GRM8: variants seen among roughly 807,000 people sequenced by gnomAD.
GRM8 encodes the protein glutamate metabotropic receptor 8.
A neutral mutation model predicts 87.2 loss-of-function variants in GRM8; 47 were observed. The ratio of observed to expected loss-of-function variants is 0.54; its 90% CI spans 0.43 to 0.69. GRM8 has a LOEUF of 0.69. GRM8 is among the 30% of genes least tolerant of loss of function. The probability of loss-of-function intolerance (pLI) is 0.00; values close to 1 mark genes in which losing one functional copy is unlikely to be tolerated. For synonymous variants in GRM8, 396 were observed against 404.5 expected (o/e 0.98, Z 0.25); for missense variants, 1,019 against 1,139.2 (o/e 0.89, Z 1.52).
Position 126,769,925 on chromosome 7 carries a change from G to C in GRM8, c.1297C>G (p.Arg433Gly). ...LCPGYIGLCPRMSTIDGKELL... is the reference protein window; with the variant it reads ...LCPGYIGLCPGMSTIDGKELL... ...TCTTTCCCATCAATGGTACTCATTCGTGGACAAAGGCCAATGTATCCAGGG... is the reference window on the plus strand; with the variant it reads ...TCTTTCCCATCAATGGTACTCATTCCTGGACAAAGGCCAATGTATCCAGGG... The change falls in exon 7 of 11, where the codon CGA (arginine) becomes GGA (glycine). Residue 433 changes from arginine to glycine, a missense_variant. Coordinates refer to ENST00000339582, the MANE Select transcript of GRM8 (RefSeq NM_000845.3). 1 of 1,612,846 alleles carries C rather than the reference G, an allele frequency of 6.2e-7. No homozygotes were observed. The highest frequency in any genetic ancestry group is 8.5e-7 in the Non-Finnish European group (1 of 1,179,094).
intron 7 of GRM8, among the ~76,000 whole-genome samples, chr7:126,618,431 A>C (rs1233210286): frequency 6.6e-6 from 1 of 152,232 alleles, no homozygotes; most frequent in Admixed American, 6.5e-5. Flanking sequence ...ACCCTAGAAG[A>C]AAACCTGGGC....
At chr7:126,470,147 G>C (rs118036876) in intron 9 of GRM8, among the ~76,000 whole-genome samples, 4,325 of 152,166 alleles carry the variant, frequency 0.028, 91 homozygotes, top group Middle Eastern at 0.044. Context: ...TTTTGACCTT[G>C]AGAGAGATGA....
intron 7 of GRM8, among the ~76,000 whole-genome samples, chr7:126,723,449 T>C (rs1812646401): frequency 6.6e-6 from 1 of 151,622 alleles, no homozygotes; most frequent in Non-Finnish European, 1.5e-5. Context: ...GAATAAAGAA[T>C]GAATAAGCCA....
At chr7:127,174,867 C>A (rs531080095) in intron 2 of GRM8, among the ~76,000 whole-genome samples, 67 of 152,248 alleles carry the variant, frequency 4.4e-4, no homozygotes, top group African/African-American at 1.6e-3. Context: ...CTTCTGAAGC[C>A]TACATGTGAA....
At chr7:126,763,004 T>C (rs1169239992) in intron 7 of GRM8, among the ~76,000 whole-genome samples, 1 of 151,900 alleles carries the variant, frequency 6.6e-6, no homozygotes, top group Non-Finnish European at 1.5e-5. Context: ...CAAATGTTTA[T>C]TAACATTTAC....
chr7:126,757,274 G>A (rs773976625), intron 7 of GRM8, among the ~76,000 whole-genome samples: 4 of 152,138 alleles, frequency 2.6e-5, no homozygotes, highest in East Asian at 1.9e-4. Context: ...TTAGGAGAGC[G>A]ACTTCTTGGC....
intron 10 of GRM8, chr7:126,445,148 G>C (rs79134629): frequency 6.6e-6 from 1 of 152,062 alleles, no homozygotes; most frequent in African/African-American, 2.4e-5. Context: ...CTGGGCAACA[G>C]AGCAAGCTCC....
chr7:126,453,538 A>T lies in GRM8; in HGVS notation c.2431-7166T>A, dbSNP rs1258776028. On this transcript the variant is annotated intron_variant, in intron 9 of 10. Transcript: ENST00000339582. Reference sequence around the variant, plus strand: ...GGAGAGGTGGAAACTAGCTAAAGAGAATGATACAGCATCAACCAACAAGCA... The same window carrying T: ...GGAGAGGTGGAAACTAGCTAAAGAGTATGATACAGCATCAACCAACAAGCA... Among the ~76,000 whole-genome samples, 4 of 151,654 alleles carry T rather than the reference A, an allele frequency of 2.6e-5. No individual in the cohort carries two copies. The East Asian group carries it at 7.8e-4, about 30-fold the overall frequency.
At chr7:127,110,820 G>A (rs1826279483) in intron 2 of GRM8, among the ~76,000 whole-genome samples, 1 of 152,098 alleles carries the variant, frequency 6.6e-6, no homozygotes, top group Non-Finnish European at 1.5e-5. Context: ...CATGGAGGGG[G>A]AAAGAAATCA....
chr7:126,780,891 T>C (rs964003456), intron 6 of GRM8, among the ~76,000 whole-genome samples: 3 of 151,938 alleles, frequency 2.0e-5, no homozygotes, highest in East Asian at 1.9e-4. Flanking sequence ...AAAGAGTAAA[T>C]GGAGTAGGCA....
At chr7:126,512,631 A>T (rs1163500407) in intron 9 of GRM8, 1 of 152,158 alleles carries the variant, frequency 6.6e-6, no homozygotes, top group Non-Finnish European at 1.5e-5. Context: ...ACACAGGTAT[A>T]AGAGGCTTTG....
At chr7:126,761,542 C>T (rs1472841365) in intron 7 of GRM8, among the ~76,000 whole-genome samples, 6 of 152,104 alleles carry the variant, frequency 3.9e-5, no homozygotes. Context: ...ATCTCAGTTG[C>T]TTCAGTTTTC....
intron 3 of GRM8, among the ~76,000 whole-genome samples, chr7:126,949,893 A>G (rs1385467955): frequency 6.6e-6 from 1 of 152,208 alleles, no homozygotes; most frequent in Non-Finnish European, 1.5e-5. Context: ...AACCATAGTC[A>G]TGATGAAAAT....
chr7:126,597,044 A>G (rs957930911), intron 8 of GRM8, among the ~76,000 whole-genome samples: 4 of 152,140 alleles, frequency 2.6e-5, no homozygotes, highest in Admixed American at 2.6e-4. Flanking sequence ...CAACAAAGCG[A>G]AATAATCTAA....
intron 9 of GRM8, among the ~76,000 whole-genome samples, chr7:126,513,958 T>A (rs933295342): frequency 7.4e-6 from 1 of 135,550 alleles, no homozygotes; most frequent in Admixed American, 7.3e-5. Context: ...AGAACAAAAT[T>A]TTAATCATCA....
intron 8 of GRM8, among the ~76,000 whole-genome samples, chr7:126,541,361 T>C (rs564665088): frequency 3.3e-4 from 50 of 152,088 alleles, no homozygotes; most frequent in Non-Finnish European, 4.9e-4. Context: ...GAACTAAAAG[T>C]ATTAAGAATA....
chr7:126,954,495 A>C lies in GRM8; in HGVS notation c.728-49812T>G, dbSNP rs17867043. 6.6e-3 allele frequency among the ~76,000 whole-genome samples: 999 copies of C among 152,264 alleles called. 11 individuals carry two copies. The highest frequency in any genetic ancestry group is 0.022 in the African/African-American group (918 of 41,560). ...TATTTGGGACATACTTATACTAAAAATTATTTGTTATCTGAAATTCAAATC... is the reference window on the plus strand; with the variant it reads ...TATTTGGGACATACTTATACTAAAACTTATTTGTTATCTGAAATTCAAATC... On this transcript the variant is annotated intron_variant, in intron 3 of 10. Coordinates refer to ENST00000339582, the MANE Select transcript of GRM8 (RefSeq NM_000845.3).
At chr7:126,640,156 T>A (rs721234) in intron 7 of GRM8, among the ~76,000 whole-genome samples, 125,355 of 152,178 alleles carry the variant, frequency 0.82, 52,005 homozygotes, top group East Asian at 0.94. Context: ...TACATAAAGA[T>A]AAAAGAGAAT....
intron 8 of GRM8, among the ~76,000 whole-genome samples, chr7:126,544,450 C>T (rs548702072): frequency 6.6e-4 from 98 of 148,136 alleles, no homozygotes; most frequent in African/African-American, 2.5e-3. Flanking sequence ...GTACCCTGAC[C>T]GCATACCTCA....
Sources: allele counts gnomAD v4.1 joint callset (sites outside exome capture counted in the v4.1 genomes callset), GRCh38; gene constraint gnomAD v4.1.1; transcripts MANE v1.5; gene names NCBI Gene and HGNC (gene_info 2026-07-23, HGNC 2026-07-21).